VPS13A: variants seen among roughly 807,000 people sequenced by gnomAD.
VPS13A encodes the protein vacuolar protein sorting 13 homolog A, also known as intermembrane lipid transfer protein VPS13A.
In VPS13A, 264 loss-of-function variants were observed where a neutral mutation model predicts 390.9. The ratio of observed to expected loss-of-function variants is 0.68; its 90% CI spans 0.61 to 0.75. The LOEUF is 0.75. VPS13A is among the 30% of genes least tolerant of loss of function. The probability of loss-of-function intolerance (pLI) is 0.00; values close to 1 mark genes in which losing one functional copy is unlikely to be tolerated. For synonymous variants in VPS13A, 1,231 were observed against 1,227.1 expected (o/e 1.00, Z -0.07); for missense variants, 3,409 against 3,733.9 (o/e 0.91, Z 2.27).
At chr9:77,401,680 A>G (rs1163668702) in intron 68 of VPS13A, among the ~76,000 whole-genome samples, 1 of 152,124 alleles carries the variant, frequency 6.6e-6, no homozygotes, top group Non-Finnish European at 1.5e-5. Flanking sequence ...TCCTCTTAAT[A>G]TTTCTTAAAA....
chr9:77,293,503 A>T lies in VPS13A; in HGVS notation c.3502A>T (p.Ile1168Leu). 6.6e-7 allele frequency: 1 copy of T among 1,512,178 alleles called. No individual in the cohort carries two copies. The highest frequency in any genetic ancestry group is 2.3e-5 in the East Asian group (1 of 42,928). The allele number at this position is 1,512,178 out of a possible 1,614,324, so 93.7% of individuals were successfully genotyped here. A position where few individuals can be genotyped will look rare whatever the true frequency, so the allele number is the denominator to read the frequency against. Residue 1168 changes from isoleucine to leucine, a missense_variant, in exon 32 of 72, where the codon ATA becomes TTA. Physicochemically the swap from Ile to Leu is conservative, Grantham distance 5. Around this residue, in one of 5 missense-constraint regions of VPS13A, gnomAD observed 2,717 missense variants for 2,917.4 expected, o/e 0.93. Transcript: ENST00000360280. ...VVFVTKFLYSILAFIDNFQAA... is the reference protein window; with the variant it reads ...VVFVTKFLYSLLAFIDNFQAA... ...TTTTGTCACGAAATTTCTATATTCT[A>T]TATTGGTAAGTATTTTATTAAATTA... is the stretch of plus-strand genomic sequence containing the variant.
chr9:77,409,813 G>A (rs967370941), intron 71 of VPS13A, among the ~76,000 whole-genome samples: 5 of 151,352 alleles, frequency 3.3e-5, no homozygotes, highest in East Asian at 4.1e-4. Context: ...CCAAATCTAC[G>A]TCTGATTGTC....
chr9:77,268,869 G>A (rs1826188100), intron 23 of VPS13A, among the ~76,000 whole-genome samples: 4 of 151,910 alleles, frequency 2.6e-5, no homozygotes, highest in Non-Finnish European at 5.9e-5. Flanking sequence ...GAACTCTGGA[G>A]GTGGAGGTTG....
At position 77,360,613 on chromosome 9, in the gene VPS13A, CAG is replaced by C; in HGVS notation, c.8185_8186del (p.Glu2729SerfsTer2). ...ATCTATGCTTTAACAGACCTTATGA[CAG>C]AAGCTGAGGTGACTGAAAATACAGA... On this transcript the variant is annotated frameshift_variant, in exon 59 of 72. Coordinates refer to ENST00000360280, the MANE Select transcript of VPS13A (RefSeq NM_033305.3). LOFTEE classifies it high-confidence loss of function. 2 of 1,612,720 alleles carry C rather than the reference CAG, an allele frequency of 1.2e-6. No individual in the cohort carries two copies. The highest frequency in any genetic ancestry group is 1.7e-6 in the Non-Finnish European group (2 of 1,179,164).
chr9:77,275,132 A>G (rs1368938081), intron 24 of VPS13A, among the ~76,000 whole-genome samples: 3 of 152,154 alleles, frequency 2.0e-5, no homozygotes, highest in Non-Finnish European at 2.9e-5. Flanking sequence ...GCATATTAAC[A>G]TATTACTTTG....
chr9:77,312,154 AT>A (rs1829109954), intron 35 of VPS13A, among the ~76,000 whole-genome samples: 1 of 152,206 alleles, frequency 6.6e-6, no homozygotes. Flanking sequence ...AGTAATAAAA[AT>A]AATAGAATCC....
At chr9:77,402,665 G>A (rs573015667) in intron 68 of VPS13A, among the ~76,000 whole-genome samples, 2 of 152,274 alleles carry the variant, frequency 1.3e-5, no homozygotes, top group Non-Finnish European at 2.9e-5. Flanking sequence ...CAGTGTCATG[G>A]ATAGACAGTG....
At chr9:77,194,858 C>T (rs1824896715) in intron 1 of VPS13A, among the ~76,000 whole-genome samples, 2 of 152,060 alleles carry the variant, frequency 1.3e-5, no homozygotes, top group Admixed American at 6.6e-5. Flanking sequence ...ATGGCCTGGT[C>T]TCTTGGTGGT....
intron 13 of VPS13A, among the ~76,000 whole-genome samples, chr9:77,225,381 G>T (rs1047073691): frequency 3.9e-5 from 6 of 152,066 alleles, no homozygotes; most frequent in African/African-American, 1.4e-4. Flanking sequence ...CTCTTAAGTA[G>T]CTCGGACTAC....
At chr9:77,306,780 A>T (rs1357281877) in intron 34 of VPS13A, among the ~76,000 whole-genome samples, 1 of 152,188 alleles carries the variant, frequency 6.6e-6, no homozygotes, top group African/African-American at 2.4e-5. Flanking sequence ...TTTATGTTTG[A>T]CCACATACCT....
At chr9:77,252,375 G>C in intron 22 of VPS13A, 23 bp downstream of exon 22, 1 of 1,566,248 alleles carries the variant, frequency 6.4e-7, no homozygotes, top group South Asian at 1.1e-5. Flanking sequence ...TGTTTCATGT[G>C]AATATGGATT....
chr9:77,381,579 G>C (rs1036622539), intron 67 of VPS13A, among the ~76,000 whole-genome samples: 9 of 151,870 alleles, frequency 5.9e-5, no homozygotes, highest in Non-Finnish European at 1.3e-4. Flanking sequence ...ACTTGTTAAG[G>C]GGTGCTTTAA....
rs752425922 is a variant in VPS13A, at chr9:77,283,395, G to T, written c.3159G>T (p.Gln1053His). The change falls in exon 30 of 72, where the codon CAG becomes CAT. Residue 1053 changes from glutamine to histidine, a missense_variant. Coordinates refer to ENST00000360280, the MANE Select transcript of VPS13A (RefSeq NM_033305.3). ...CAAATGAAGATATCATTACTTTGCA[G>T]ATTTTAGCAGAATTATCGTGTTTAC... is the stretch of plus-strand genomic sequence containing the variant. ...LSTNEDIITL[Q>H]ILAELSCLQI... 5.6e-6 allele frequency: 9 copies of T among 1,607,358 alleles called. No homozygotes were observed. In the South Asian group the frequency reaches 6.6e-5, roughly 12 times the overall value.
intron 45 of VPS13A, among the ~76,000 whole-genome samples, chr9:77,326,935 A>AC (rs1352054400): frequency 6.6e-6 from 1 of 152,110 alleles, no homozygotes; most frequent in East Asian, 1.9e-4. Context: ...TTCTGTCCGT[A>AC]CAGCTCTTGC....
At chr9:77,354,797 A>C (rs889402274) in intron 54 of VPS13A, among the ~76,000 whole-genome samples, 2 of 152,004 alleles carry the variant, frequency 1.3e-5, no homozygotes, top group African/African-American at 4.8e-5. Context: ...CCAGAGACCC[A>C]TCTCACCCCC....
chr9:77,235,696 T>C (rs1824104678), intron 17 of VPS13A, among the ~76,000 whole-genome samples: 1 of 152,178 alleles, frequency 6.6e-6, no homozygotes, highest in Non-Finnish European at 1.5e-5. Context: ...CACTTGATGG[T>C]CTCCCACTTT....
Position 77,180,291 on chromosome 9 carries a change from A to G in VPS13A, c.100+2487A>G, listed in dbSNP as rs578131018. On this transcript the variant is annotated intron_variant, in intron 1 of 71. Coordinates refer to ENST00000360280, the MANE Select transcript of VPS13A (RefSeq NM_033305.3). ...TGTGTAACCTTTTGAGGAACAGCCA[A>G]ACTCTTTTTCCAGAGTGTTTGTTTT... 6.6e-5 allele frequency among the ~76,000 whole-genome samples: 10 copies of G among 152,332 alleles called. No homozygotes were observed. In the South Asian group the frequency reaches 1.9e-3, roughly 28 times the overall value.
chr9:77,323,051 T>TA lies in VPS13A; in HGVS notation c.5831-15dup. 6.3e-7 allele frequency: 1 copy of TA among 1,592,474 alleles called. No homozygotes were observed. Among genetic ancestry groups the TA allele is most frequent in the Non-Finnish European group, 8.6e-7 (1 of 1,164,232 alleles). On this transcript the variant is annotated splice_polypyrimidine_tract_variant and intron_variant, in intron 44 of 71. Transcript: ENST00000360280. ...GAATTATAATAAAAACTTTTAAACATACTTACTTAATTTAGCACCTGTTAA... is the reference window on the plus strand; with the variant it reads ...GAATTATAATAAAAACTTTTAAACATAACTTACTTAATTTAGCACCTGTTAA...
intron 1 of VPS13A, chr9:77,178,128 C>T: frequency 3.0e-6 from 1 of 331,112 alleles, no homozygotes. Flanking sequence ...CTACCCCTGG[C>T]CCCGCACGGT....
Sources: gnomAD v4.1 joint callset for allele counts (sites outside exome capture counted in the v4.1 genomes callset) on GRCh38, gnomAD v4.1.1 for gene constraint, gnomAD v4.1.1 regional missense constraint, MANE v1.5 for transcripts, NCBI Gene and HGNC (gene_info 2026-07-23, HGNC 2026-07-21) for gene names.